The following RCAN2 variants were observed in gnomAD, a reference collection of about 807,000 sequenced individuals.
RCAN2 encodes regulator of calcineurin 2, also known as calcipressin-2.
RCAN2 carries 9 observed loss-of-function variants against 23.6 expected under a neutral mutation model. That is an observed-to-expected ratio of 0.38 (90% CI 0.23 to 0.67). The LOEUF (loss-of-function observed/expected upper bound fraction) is 0.67, where lower values mean the gene tolerates loss of function less well. Ranked by LOEUF, RCAN2 falls within the 30% of genes least tolerant of loss-of-function variation. The probability of loss-of-function intolerance (pLI) is 0.51; values close to 1 mark genes in which losing one functional copy is unlikely to be tolerated. For missense variants in RCAN2, 273 were observed against 302.3 expected (o/e 0.90, Z 0.72); for synonymous variants, 109 against 115.7 (o/e 0.94, Z 0.37).
intron 2 of RCAN2, among the ~76,000 whole-genome samples, chr6:46,376,869 AC>A (rs1765481849): frequency 1.5e-5 from 2 of 131,250 alleles, no homozygotes; most frequent in African/African-American, 5.6e-5. Context: ...CCCGCCCCGC[AC>A]CCCCTCCCCC....
chr6:46,258,513 G>A (rs957201608), intron 2 of RCAN2, among the ~76,000 whole-genome samples: 3 of 152,202 alleles, frequency 2.0e-5, no homozygotes, highest in African/African-American at 7.2e-5. Context: ...AAGATAGCTT[G>A]CTGGTAAAGG....
intron 1 of RCAN2, among the ~76,000 whole-genome samples, chr6:46,481,104 C>T (rs1768847548): frequency 6.6e-6 from 1 of 152,114 alleles, no homozygotes; most frequent in Non-Finnish European, 1.5e-5. Context: ...GTAGCAGGGG[C>T]CATGGCGATG....
chr6:46,294,883 A>AT (rs1762671941), intron 2 of RCAN2, among the ~76,000 whole-genome samples: 1 of 152,176 alleles, frequency 6.6e-6, no homozygotes, highest in South Asian at 2.1e-4. Flanking sequence ...ACATTTTAAC[A>AT]TTTTTAAAAG....
chr6:46,479,775 G>A (rs1768807388), intron 1 of RCAN2, among the ~76,000 whole-genome samples: 1 of 151,962 alleles, frequency 6.6e-6, no homozygotes. Flanking sequence ...TAACGATGGG[G>A]TTTCACCATG....
chr6:46,464,080 T>C (rs1453377904), intron 1 of RCAN2, among the ~76,000 whole-genome samples: 3 of 152,190 alleles, frequency 2.0e-5, no homozygotes, highest in South Asian at 2.1e-4. Flanking sequence ...AAATGAATTA[T>C]GGGAGATTTG....
chr6:46,320,954 T>C (rs918755086), intron 2 of RCAN2, among the ~76,000 whole-genome samples: 9 of 152,058 alleles, frequency 5.9e-5, no homozygotes, highest in Non-Finnish European at 1.0e-4. Flanking sequence ...CCTAAATGAA[T>C]GAATGATTGA....
In RCAN2 at chr6:46,386,444, C is replaced by CA. The variant is rs112347117; in HGVS notation, c.225+70307dup. 4.6e-3 allele frequency among the ~76,000 whole-genome samples: 618 copies of CA among 134,206 alleles called. 3 individuals carry two copies. The highest frequency in any genetic ancestry group is 0.021 in the East Asian group (100 of 4,654). 88.0% of individuals were successfully genotyped at this position (134,206 alleles called of 152,430 possible). On this transcript the variant is annotated intron_variant, in intron 2 of 4. Coordinates refer to ENST00000371374, the MANE Select transcript of RCAN2 (RefSeq NM_001251974.2). ...CAAAACCCCGTCTCTACTAAAAATACAAAAAAAAAAAAAATTAGCCAGGTG... is the reference window on the plus strand; with the variant it reads ...CAAAACCCCGTCTCTACTAAAAATACAAAAAAAAAAAAAAATTAGCCAGGTG...
intron 4 of RCAN2, among the ~76,000 whole-genome samples, chr6:46,236,045 A>G (rs895854030): frequency 6.6e-6 from 1 of 152,228 alleles, no homozygotes; most frequent in Non-Finnish European, 1.5e-5. Context: ...CTCTCCCAAG[A>G]TGCATGCTAT....
intron 2 of RCAN2, among the ~76,000 whole-genome samples, chr6:46,446,882 T>A (rs1767725945): frequency 6.6e-6 from 1 of 151,778 alleles, no homozygotes; most frequent in Non-Finnish European, 1.5e-5. Context: ...CTATAGAAAA[T>A]CATCTAATTA....
chr6:46,336,525 G>C (rs183286357), intron 2 of RCAN2, among the ~76,000 whole-genome samples: 1 of 152,360 alleles, frequency 6.6e-6, no homozygotes, highest in African/African-American at 2.4e-5. Flanking sequence ...TGTAGGCAAG[G>C]ATAGGGATGT....
intron 1 of RCAN2, among the ~76,000 whole-genome samples, chr6:46,469,397 T>C (rs1209583339): frequency 1.3e-5 from 2 of 152,106 alleles, no homozygotes; most frequent in Non-Finnish European, 2.9e-5. Flanking sequence ...GTTCACCACA[T>C]CCCTCACCCC....
intron 4 of RCAN2, among the ~76,000 whole-genome samples, chr6:46,234,731 C>T (rs1432644023): frequency 1.3e-5 from 2 of 152,230 alleles, no homozygotes; most frequent in Non-Finnish European, 2.9e-5. Context: ...CCTTTTAGCA[C>T]ATGGTTAACG....
intron 2 of RCAN2, among the ~76,000 whole-genome samples, chr6:46,454,471 A>C (rs550125991): frequency 6.6e-6 from 1 of 152,280 alleles, no homozygotes; most frequent in South Asian, 2.1e-4. Context: ...AGATATAATT[A>C]AGTCAAAATT....
intron 2 of RCAN2, among the ~76,000 whole-genome samples, chr6:46,420,328 G>A (rs571736443): frequency 6.6e-6 from 1 of 152,162 alleles, no homozygotes; most frequent in South Asian, 2.1e-4. Flanking sequence ...TCATTAAGGG[G>A]AGCTATTTGC....
intron 2 of RCAN2, among the ~76,000 whole-genome samples, chr6:46,291,989 A>C (rs932821890): frequency 2.0e-5 from 3 of 152,204 alleles, no homozygotes; most frequent in African/African-American, 7.2e-5. Context: ...AGCTTTTTCC[A>C]GTAGTTTACT....
At chr6:46,488,450 A>G (rs529829141) in intron 1 of RCAN2, among the ~76,000 whole-genome samples, 16 of 152,330 alleles carry the variant, frequency 1.1e-4, no homozygotes, top group African/African-American at 3.8e-4. Flanking sequence ...TACCACTAGT[A>G]GTAGTTCAAA....
intron 1 of RCAN2, among the ~76,000 whole-genome samples, chr6:46,469,910 T>A (rs1768509871): frequency 6.6e-6 from 1 of 152,066 alleles, no homozygotes; most frequent in African/African-American, 2.4e-5. Flanking sequence ...AATTCCTCCC[T>A]TGTGGAGGAT....
chr6:46,246,980 G>T (rs1766536878), intron 3 of RCAN2, 61 bp from the exon 4 acceptor site: 1 of 1,362,592 alleles, frequency 7.3e-7, no homozygotes, highest in South Asian at 1.5e-5. Context: ...TGTCATGTTG[G>T]CACATTAAAA....
At chr6:46,373,021 C>T (rs540279338) in intron 2 of RCAN2, among the ~76,000 whole-genome samples, 2 of 152,180 alleles carry the variant, frequency 1.3e-5, no homozygotes, top group Non-Finnish European at 2.9e-5. Flanking sequence ...TACTGTTAGA[C>T]CAGTATTTCC....
Sources: gnomAD v4.1 joint callset for allele counts (sites outside exome capture counted in the v4.1 genomes callset) on GRCh38, gnomAD v4.1.1 for gene constraint, MANE v1.5 for transcripts, NCBI Gene and HGNC (gene_info 2026-07-23, HGNC 2026-07-21) for gene names.